Variants in CDH13 observed in about 807,000 individuals in gnomAD.
CDH13 encodes the protein cadherin-13.
In CDH13, 24 loss-of-function variants were observed where a neutral mutation model predicts 63.8. The ratio of observed to expected loss-of-function variants is 0.38; its 90% confidence interval spans 0.27 to 0.53. CDH13 has a LOEUF of 0.53. Ranked by LOEUF, CDH13 falls within the 20% of genes least tolerant of loss-of-function variation. The pLI is 0.85. For synonymous variants in CDH13, 503 were observed against 355.3 expected, an observed-to-expected ratio of 1.42 and a Z score of -4.67; for missense variants, 1,049 against 903.1, an observed-to-expected ratio of 1.16 and a Z score of -2.07.
At chr16:83,497,538 C>T (rs8061841) in intron 7 of CDH13, among the ~76,000 whole-genome samples, 2 of 139,304 alleles carry the variant, frequency 1.4e-5, no homozygotes, top group East Asian at 4.7e-4. Flanking sequence ...GAAGGGATAG[C>T]ATTGGGAGAA....
intron 7 of CDH13, among the ~76,000 whole-genome samples, chr16:83,560,547 G>A (rs911129316): frequency 2.0e-5 from 3 of 152,114 alleles, no homozygotes; most frequent in Admixed American, 1.3e-4. Flanking sequence ...TTAGACAACA[G>A]TACAAAGTTT....
chr16:82,955,089 G>A (rs1232552722), intron 2 of CDH13, among the ~76,000 whole-genome samples: 1 of 152,122 alleles, frequency 6.6e-6, no homozygotes, highest in East Asian at 1.9e-4. Context: ...ACGTTGCTGT[G>A]AAAATATGCC....
chr16:83,336,300 C>CAAAAA (rs376325733), intron 5 of CDH13, among the ~76,000 whole-genome samples: 7 of 48,998 alleles, frequency 1.4e-4, no homozygotes, highest in African/African-American at 2.1e-4. Context: ...GACTCCATCT[C>CAAAAA]AAAAAAAAAA....
chr16:83,721,833 C>T (rs895355683), intron 10 of CDH13: 4 of 152,206 alleles, frequency 2.6e-5, no homozygotes, highest in African/African-American at 9.7e-5. Context: ...ATCGTTGCAT[C>T]TAAGTGGAAT....
At chr16:83,356,211 CATGT>C (rs1220133927) in intron 6 of CDH13, among the ~76,000 whole-genome samples, 2,549 of 60,760 alleles carry the variant, frequency 0.042, 40 homozygotes, top group East Asian at 0.08. Flanking sequence ...TATTTATTTT[CATGT>C]GTGTGTGTGT....
chr16:83,051,229 A>G (rs1310798020), intron 3 of CDH13, among the ~76,000 whole-genome samples: 8 of 152,044 alleles, frequency 5.3e-5, no homozygotes, highest in Admixed American at 5.2e-4. Context: ...CAGCCCTCAC[A>G]ATTCCCTGTC....
At chr16:82,840,697 A>AAAG (rs1386414361) in intron 1 of CDH13, among the ~76,000 whole-genome samples, 4 of 151,874 alleles carry the variant, frequency 2.6e-5, no homozygotes, top group Admixed American at 2.0e-4. Context: ...AAAAAAAAAA[A>AAAG]AAAAAGAAAA....
At chr16:83,695,387 T>C (rs558750144) in intron 10 of CDH13, among the ~76,000 whole-genome samples, 2 of 152,306 alleles carry the variant, frequency 1.3e-5, no homozygotes, top group South Asian at 2.1e-4. Flanking sequence ...TTAAATAGGA[T>C]CGCAAATGCT....
intron 7 of CDH13, among the ~76,000 whole-genome samples, chr16:83,506,617 C>T (rs548549004): frequency 3.9e-4 from 59 of 152,312 alleles, no homozygotes; most frequent in Non-Finnish European, 7.1e-4. Flanking sequence ...CTCATGGTAC[C>T]CATGCTCCTG....
At position 82,834,832 on chromosome 16, in the gene CDH13, T is replaced by C. The variant is rs1029468159; in HGVS notation, c.46-23530T>C. Among the ~76,000 whole-genome samples the C allele has an allele frequency of 2.0e-5, 3 of 152,238 alleles. No individual in the cohort carries two copies. In the South Asian group the frequency reaches 6.2e-4, roughly 32 times the overall value. ...AGCCTGCCACTTGTGTGTGGACAAC[T>C]AGCAAGCTAAAATGGTTTTTACATT... On this transcript the variant is annotated intron_variant, in intron 1 of 13. Coordinates refer to ENST00000567109, the MANE Select transcript of CDH13 (RefSeq NM_001257.5).
At chr16:83,029,379 A>T (rs1432354371) in intron 2 of CDH13, among the ~76,000 whole-genome samples, 1 of 152,202 alleles carries the variant, frequency 6.6e-6, no homozygotes. Flanking sequence ...TAGCAACAAT[A>T]TTTGGAGCCC....
intron 1 of CDH13, among the ~76,000 whole-genome samples, chr16:82,797,464 T>C (rs971439846): frequency 6.6e-5 from 10 of 152,174 alleles, no homozygotes; most frequent in African/African-American, 2.4e-4. Context: ...ACTGCCTTCC[T>C]CAAGACCCCA....
At chr16:83,046,075 G>A (rs1385122087) in intron 3 of CDH13, among the ~76,000 whole-genome samples, 1 of 152,166 alleles carries the variant, frequency 6.6e-6, no homozygotes, top group Admixed American at 6.5e-5. Flanking sequence ...GCTTGTTTAA[G>A]CAAAGCCAAG....
intron 1 of CDH13, among the ~76,000 whole-genome samples, chr16:82,638,880 A>C (rs576463363): frequency 2.8e-4 from 38 of 136,908 alleles, no homozygotes; most frequent in African/African-American, 9.1e-4. Flanking sequence ...TGTTTAAAGT[A>C]CCTCCATGTA....
intron 1 of CDH13, among the ~76,000 whole-genome samples, chr16:82,798,749 G>T (rs1359169427): frequency 6.6e-6 from 1 of 152,140 alleles, no homozygotes; most frequent in Non-Finnish European, 1.5e-5. Flanking sequence ...ACATGCCCCA[G>T]GTAGAGCTGG....
At chr16:83,423,760 G>T (rs1242570691) in intron 6 of CDH13, among the ~76,000 whole-genome samples, 1 of 152,106 alleles carries the variant, frequency 6.6e-6, no homozygotes, top group Non-Finnish European at 1.5e-5. Context: ...CTGGTTGTGG[G>T]GACTGCAAGA....
chr16:83,611,142 ATT>A (rs1196274732), intron 8 of CDH13, among the ~76,000 whole-genome samples: 5 of 152,028 alleles, frequency 3.3e-5, no homozygotes, highest in Non-Finnish European at 7.4e-5. Context: ...AAGTTGGGTT[ATT>A]AGTCTTTCTC....
At chr16:83,039,500 C>T (rs1917153312) in intron 3 of CDH13, among the ~76,000 whole-genome samples, 2 of 152,206 alleles carry the variant, frequency 1.3e-5, no homozygotes, top group African/African-American at 4.8e-5. Context: ...CCTTCCTAGG[C>T]TTCTTCTCAA....
At chr16:82,717,193 C>T (rs66460669) in intron 1 of CDH13, among the ~76,000 whole-genome samples, 36,852 of 151,808 alleles carry the variant, frequency 0.24, 4,794 homozygotes, top group African/African-American at 0.34. Context: ...CAACAAGGCT[C>T]CTGAACCTGG....
Sources: gnomAD v4.1 joint callset for allele counts (sites outside exome capture counted in the v4.1 genomes callset) on GRCh38, gnomAD v4.1.1 for gene constraint, MANE v1.5 for transcripts, NCBI Gene and HGNC (gene_info 2026-07-23, HGNC 2026-07-21) for gene names.